TTC27: variants seen among roughly 807,000 people sequenced by gnomAD.
The protein encoded by TTC27 is tetratricopeptide repeat protein 27.
A neutral mutation model predicts 115.9 loss-of-function variants in TTC27; 79 were observed. The ratio of observed to expected loss-of-function variants is 0.68; its 90% CI spans 0.57 to 0.82. The LOEUF (loss-of-function observed/expected upper bound fraction) is 0.82, where lower values mean the gene tolerates loss of function less well. Among genes scored for constraint, TTC27 ranks in the 40% least tolerant of loss-of-function variants. The pLI is 0.00. For missense variants in TTC27, 1,054 were observed against 993.1 expected (o/e 1.06, Z -0.82); for synonymous variants, 401 against 356.0 (o/e 1.13, Z -1.42).
intron 4 of TTC27, among the ~76,000 whole-genome samples, chr2:32,649,340 G>T (rs1236561159): frequency 1.3e-5 from 2 of 151,794 alleles, no homozygotes; most frequent in African/African-American, 4.8e-5. Flanking sequence ...TACCTTGTTG[G>T]GTAGTAGACG....
intron 10 of TTC27, among the ~76,000 whole-genome samples, chr2:32,729,237 A>G (rs1470029262): frequency 6.6e-6 from 1 of 152,252 alleles, no homozygotes; most frequent in Non-Finnish European, 1.5e-5. Flanking sequence ...AGATGAGAAC[A>G]TATAAATAAG....
intron 18 of TTC27, among the ~76,000 whole-genome samples, chr2:32,815,276 G>C (rs79420042): frequency 0.058 from 6,387 of 110,120 alleles, 222 homozygotes; most frequent in Non-Finnish European, 0.077. Context: ...TTGCTCTGTC[G>C]CCCAGGCTGG....
intron 13 of TTC27, among the ~76,000 whole-genome samples, chr2:32,764,154 A>T (rs1341138798): frequency 6.6e-6 from 1 of 152,180 alleles, no homozygotes; most frequent in Non-Finnish European, 1.5e-5. Flanking sequence ...CTACCTTTTT[A>T]AAAATTTATT....
At chr2:32,653,097 C>T (rs1016990034) in intron 5 of TTC27, among the ~76,000 whole-genome samples, 46 of 152,122 alleles carry the variant, frequency 3.0e-4, no homozygotes, top group Admixed American at 6.6e-5. Context: ...CTATTCAGGG[C>T]ATACAACAAT....
rs574828440 is a variant in TTC27, at chr2:32,695,303, G to A, written c.1120-7504G>A. ...TCATAAAATATTTTTTCTTTTGTAG[G>A]CCAGGTGTGGTGACTTATGCCTGTA... On this transcript the variant is annotated intron_variant, in intron 9 of 19. Transcript: ENST00000317907. 2.6e-5 allele frequency among the ~76,000 whole-genome samples: 4 copies of A among 152,192 alleles called. No homozygotes were observed. In the East Asian group the frequency reaches 7.7e-4, roughly 29 times the overall value.
At chr2:32,650,343 TGAG>T in intron 5 of TTC27, 110 bp downstream of exon 5, 1 of 614,670 alleles carries the variant, frequency 1.6e-6, no homozygotes, top group Non-Finnish European at 2.6e-6. Flanking sequence ...CTTTTCGTTT[TGAG>T]TTGTTTCTTT....
intron 12 of TTC27, 91 bp from the exon 13 acceptor site, chr2:32,758,201 G>T: frequency 8.7e-7 from 1 of 1,150,020 alleles, no homozygotes. Flanking sequence ...ATAAAAATTT[G>T]GATTGTGTGA....
intron 12 of TTC27, among the ~76,000 whole-genome samples, chr2:32,753,655 C>T (rs1669097864): frequency 6.6e-6 from 1 of 151,912 alleles, no homozygotes; most frequent in South Asian, 2.1e-4. Flanking sequence ...CTATGGTGGC[C>T]AGGCTTGTCT....
At chr2:32,819,081 A>G (rs1671599629) in intron 19 of TTC27, among the ~76,000 whole-genome samples, 1 of 152,218 alleles carries the variant, frequency 6.6e-6, no homozygotes, top group South Asian at 2.1e-4. Context: ...TCAGTGATCT[A>G]ATCAAAGTAG....
intron 9 of TTC27, among the ~76,000 whole-genome samples, chr2:32,702,156 T>G (rs1667209251): frequency 6.6e-6 from 1 of 152,194 alleles, no homozygotes; most frequent in South Asian, 2.1e-4. Flanking sequence ...TTAATTGTAC[T>G]CTAAGATGTT....
At chr2:32,752,553 T>C (rs1184567452) in intron 12 of TTC27, among the ~76,000 whole-genome samples, 1 of 152,208 alleles carries the variant, frequency 6.6e-6, no homozygotes, top group African/African-American at 2.4e-5. Context: ...TATGATCCTT[T>C]TTCTCTCTGG....
chr2:32,694,062 C>T (rs1666902375), intron 9 of TTC27, among the ~76,000 whole-genome samples: 1 of 152,164 alleles, frequency 6.6e-6, no homozygotes, highest in Admixed American at 6.5e-5. Context: ...CTGCATTTTT[C>T]TCAGAACAAG....
At chr2:32,737,544 G>T (rs1321333276) in intron 12 of TTC27, among the ~76,000 whole-genome samples, 2 of 152,160 alleles carry the variant, frequency 1.3e-5, no homozygotes, top group Non-Finnish European at 2.9e-5. Flanking sequence ...CTAAAAAAGA[G>T]CAATAGTGGT....
At chr2:32,686,028 A>T (rs1281277472) in intron 9 of TTC27, among the ~76,000 whole-genome samples, 1 of 152,236 alleles carries the variant, frequency 6.6e-6, no homozygotes, top group Non-Finnish European at 1.5e-5. Flanking sequence ...GTCAATATAA[A>T]AAAGTCAATT....
At chr2:32,646,880 C>T (rs927541460) in intron 4 of TTC27, among the ~76,000 whole-genome samples, 1 of 151,700 alleles carries the variant, frequency 6.6e-6, no homozygotes, top group Non-Finnish European at 1.5e-5. Flanking sequence ...TTGTTTTATT[C>T]TTCCCTCCCC....
rs770559799 is a variant in TTC27, at chr2:32,812,478, G to C, written c.2197-26G>C. On this transcript the variant is annotated intron_variant, in intron 17 of 19. Coordinates refer to ENST00000317907, the MANE Select transcript of TTC27 (RefSeq NM_017735.5). The stretch of plus-strand genomic sequence containing the variant: ...AAATGTGAATTCTACTTGTTATTCT[G>C]AATGTTGTTCTTTCTCCTTCCTCAG... 5.3e-6 allele frequency: 8 copies of C among 1,503,124 alleles called. No homozygotes were observed. In the East Asian group the frequency reaches 1.6e-4, roughly 30 times the overall value. The allele number at this position is 1,503,124 out of a possible 1,614,324, so 93.1% of individuals were successfully genotyped here. A position where few individuals can be genotyped will look rare whatever the true frequency, so the allele number is the denominator to read the frequency against.
At chr2:32,649,167 C>G (rs1421560122) in intron 4 of TTC27, among the ~76,000 whole-genome samples, 1 of 151,946 alleles carries the variant, frequency 6.6e-6, no homozygotes, top group Non-Finnish European at 1.5e-5. Context: ...TCAGTATGTG[C>G]CACACTAGCA....
intron 12 of TTC27, among the ~76,000 whole-genome samples, chr2:32,757,744 G>A (rs1240814366): frequency 1.3e-5 from 2 of 152,116 alleles, no homozygotes; most frequent in East Asian, 3.9e-4. Flanking sequence ...CCAGGCTGGA[G>A]TGCAATGACT....
chr2:32,675,343 T>C (rs1020931128), intron 8 of TTC27, among the ~76,000 whole-genome samples: 1 of 152,236 alleles, frequency 6.6e-6, no homozygotes, highest in African/African-American at 2.4e-5. Context: ...AATAAATGTA[T>C]TCCCAGGCAT....
Sources: allele counts gnomAD v4.1 joint callset (sites outside exome capture counted in the v4.1 genomes callset), GRCh38; gene constraint gnomAD v4.1.1; transcripts MANE v1.5; gene names NCBI Gene and HGNC (gene_info 2026-07-23, HGNC 2026-07-21).